Variants in OTUD4 observed in about 807,000 individuals in gnomAD.
OTUD4 encodes the protein OTU domain-containing protein 4.
In OTUD4, 24 loss-of-function variants were observed where a neutral mutation model predicts 130.4. That is an observed-to-expected ratio of 0.18 (90% CI 0.13 to 0.26). The LOEUF (loss-of-function observed/expected upper bound fraction) is 0.26. Ranked by LOEUF, OTUD4 falls within the 10% of genes least tolerant of loss-of-function variation. The pLI is 1.00. For synonymous variants in OTUD4, 420 were observed against 472.5 expected, an observed-to-expected ratio of 0.89 and a Z score of 1.44; for missense variants, 1,031 against 1,329.4, an observed-to-expected ratio of 0.78 and a Z score of 3.49.
At chr4:145,148,131 A>G (rs1400562486) in intron 13 of OTUD4, among the ~76,000 whole-genome samples, 1 of 152,218 alleles carries the variant, frequency 6.6e-6, no homozygotes, top group African/African-American at 2.4e-5. Flanking sequence ...TTTACATACC[A>G]AGTAACACAT....
At chr4:145,162,841 T>G in intron 5 of OTUD4, 120 bp from the exon 6 acceptor site, 1 of 518,380 alleles carries the variant, frequency 1.9e-6, no homozygotes, top group Admixed American at 4.1e-5. Flanking sequence ...GTGAGTATTT[T>G]AGGAGTAACC....
At chr4:145,160,015 C>T (rs1033722362) in intron 6 of OTUD4, among the ~76,000 whole-genome samples, 16 of 152,334 alleles carry the variant, frequency 1.1e-4, no homozygotes, top group African/African-American at 3.8e-4. Context: ...TTAATTCCAG[C>T]ACAGTGAAGC....
intron 13 of OTUD4, among the ~76,000 whole-genome samples, chr4:145,148,091 C>T (rs1245327311): frequency 6.6e-6 from 1 of 152,158 alleles, no homozygotes; most frequent in Non-Finnish European, 1.5e-5. Context: ...GTATTAATTA[C>T]CACTGCCTTG....
chr4:145,172,384 G>C lies in OTUD4; in HGVS notation c.244-664C>G, dbSNP rs138108524. Among the ~76,000 whole-genome samples the C allele has an allele frequency of 4.1e-3, 617 of 152,332 alleles. 8 individuals are homozygous for C. Among genetic ancestry groups the C allele is most frequent in the African/African-American group, 0.014 (571 of 41,566 alleles). On this transcript the variant is annotated intron_variant, in intron 2 of 20. Transcript: ENST00000447906. ...TCTCTCAAGTGATACTAGAAAGAGCGATGAGAACTAGTAAGGCGAAAAATA... is the reference window on the plus strand; with the variant it reads ...TCTCTCAAGTGATACTAGAAAGAGCCATGAGAACTAGTAAGGCGAAAAATA...
intron 3 of OTUD4, among the ~76,000 whole-genome samples, chr4:145,167,869 T>G (rs542057421): frequency 2.0e-4 from 30 of 151,922 alleles, no homozygotes; most frequent in African/African-American, 6.8e-4. Flanking sequence ...TAAAAAAAAT[T>G]AAAAATGAAA....
intron 13 of OTUD4, 60 bp from the exon 14 acceptor site, chr4:145,146,489 AAAC>A: frequency 1.9e-6 from 2 of 1,043,078 alleles, no homozygotes; most frequent in South Asian, 2.3e-5. Context: ...TAAATAAATA[AAAC>A]ATTCTTGTCA....
chr4:145,160,530 G>GGGCCA (rs1751505298), intron 6 of OTUD4, among the ~76,000 whole-genome samples: 1 of 152,102 alleles, frequency 6.6e-6, no homozygotes, highest in African/African-American at 2.4e-5. Context: ...ATCAACAATG[G>GGGCCA]GGCCAGGTGT....
chr4:145,151,620 G>A (rs1446692443), intron 11 of OTUD4, among the ~76,000 whole-genome samples: 19 of 152,076 alleles, frequency 1.2e-4, no homozygotes, highest in Non-Finnish European at 4.4e-5. Flanking sequence ...GGGTGACAGG[G>A]CAAGACTCCA....
At position 145,141,519 on chromosome 4, in the gene OTUD4, T is replaced by C; in HGVS notation, c.1943A>G (p.Asn648Ser). ...CTGAGGCAAAGGCATCAAGGGCTGGTTAACTGCCTGTATTGACACAGGAAC... is the reference window on the plus strand; with the variant it reads ...CTGAGGCAAAGGCATCAAGGGCTGGCTAACTGCCTGTATTGACACAGGAAC... Reference protein sequence around the residue: ...SPVPVSIQAVNQPLMPLPQTL... With the variant: ...SPVPVSIQAVSQPLMPLPQTL... Residue 648 changes from asparagine (N) to serine (S), a missense_variant, in exon 19 of 21, where the codon AAC (asparagine) becomes AGC (serine). Coordinates refer to ENST00000447906, the MANE Select transcript of OTUD4 (RefSeq NM_001366057.1). 6.2e-7 allele frequency: 1 copy of C among 1,613,624 alleles called. No individual in the cohort carries two copies. Among genetic ancestry groups the C allele is most frequent in the Non-Finnish European group, 8.5e-7 (1 of 1,179,724 alleles).
chr4:145,158,034 G>C (rs1454068297), intron 7 of OTUD4, among the ~76,000 whole-genome samples: 2 of 152,210 alleles, frequency 1.3e-5, no homozygotes, highest in African/African-American at 2.4e-5. Flanking sequence ...GGTGCTCAGA[G>C]AGAACCGTAA....
Position 145,137,832 on chromosome 4 carries a change from A to C in OTUD4, c.2943T>G (p.Pro981=). 6.2e-7 allele frequency: 1 copy of C among 1,614,044 alleles called. No homozygotes were observed. Among genetic ancestry groups the C allele is most frequent in the Non-Finnish European group, 8.5e-7 (1 of 1,180,014 alleles). ...ERETVPVELE[P]KRTIQSLKEK... ...CTTTCAGGCTTTGAATGGTCCTTTTAGGTTCAAGTTCAACAGGCACAGTTT... is the reference window on the plus strand; with the variant it reads ...CTTTCAGGCTTTGAATGGTCCTTTTCGGTTCAAGTTCAACAGGCACAGTTT... The change falls in exon 21 of 21, where the codon CCT becomes CCG. Residue 981 remains proline (P), a synonymous_variant. Transcript: ENST00000447906.
intron 11 of OTUD4, 85 bp from the exon 12 acceptor site, chr4:145,150,990 T>G: frequency 1.4e-6 from 1 of 740,636 alleles, no homozygotes. Context: ...TCAGCTTATA[T>G]AAGAATTTCT....
rs1750149927 is a variant in OTUD4, at chr4:145,134,614, T to C, written c.*2816A>G. On this transcript the variant is annotated 3_prime_UTR_variant, in exon 21 of 21. Coordinates refer to ENST00000447906, the MANE Select transcript of OTUD4 (RefSeq NM_001366057.1). Reference sequence around the variant, plus strand: ...CAGCATTGTGGTCTGGGAAAACCTATGCTTGCCAGGACAAGGCAGGGTCTG... The same window carrying C: ...CAGCATTGTGGTCTGGGAAAACCTACGCTTGCCAGGACAAGGCAGGGTCTG... 1 of 398,098 alleles carries C rather than the reference T, an allele frequency of 2.5e-6. No individual in the cohort carries two copies. The highest frequency in any genetic ancestry group is 4.4e-6 in the Non-Finnish European group (1 of 225,838). 24.7% of individuals were successfully genotyped at this position (398,098 alleles called of 1,614,324 possible).
chr4:145,158,641 T>A (rs530443274), intron 7 of OTUD4, among the ~76,000 whole-genome samples: 29 of 152,288 alleles, frequency 1.9e-4, no homozygotes, highest in African/African-American at 4.3e-4. Context: ...CCAAGTACAA[T>A]CCTTTCATAT....
At chr4:145,138,856 C>A (rs1750417755) in intron 20 of OTUD4, among the ~76,000 whole-genome samples, 1 of 152,204 alleles carries the variant, frequency 6.6e-6, no homozygotes, top group African/African-American at 2.4e-5. Flanking sequence ...ATTGCTTGCT[C>A]CTGTCCTAAA....
chr4:145,152,775 G>A lies in OTUD4; in HGVS notation c.874-140C>T, dbSNP rs997428134. On this transcript the variant is annotated intron_variant, in intron 10 of 20. Coordinates refer to ENST00000447906, the MANE Select transcript of OTUD4 (RefSeq NM_001366057.1). Reference sequence around the variant, plus strand: ...TCTGTCACCCAGGCTGAAGTGCAGAGGCACAATCTTGGCTCACTGCAACCT... The same window carrying A: ...TCTGTCACCCAGGCTGAAGTGCAGAAGCACAATCTTGGCTCACTGCAACCT... 3 of 589,174 alleles carry A rather than the reference G, an allele frequency of 5.1e-6. No homozygotes were observed. In the African/African-American group the frequency reaches 5.7e-5, roughly 11 times the overall value. 36.5% of individuals were successfully genotyped at this position (589,174 alleles called of 1,614,324 possible). A position where few individuals can be genotyped will look rare whatever the true frequency, so the allele number is the denominator to read the frequency against.
At chr4:145,166,493 AAC>A (rs1751881672) in intron 3 of OTUD4, among the ~76,000 whole-genome samples, 1 of 152,138 alleles carries the variant, frequency 6.6e-6, no homozygotes, top group South Asian at 2.1e-4. Flanking sequence ...AGTTATTTGT[AAC>A]AGTGTTTAAA....
At chr4:145,178,026 T>C (rs1404270985) in intron 1 of OTUD4, 1 of 152,238 alleles carries the variant, frequency 6.6e-6, no homozygotes, top group African/African-American at 2.4e-5. Context: ...GTTCAAGGTC[T>C]TCAGCTAAGC....
At position 145,138,407 on chromosome 4, in the gene OTUD4, A is replaced by G; in HGVS notation, c.2368T>C (p.Phe790Leu). 2 of 1,614,172 alleles carry G rather than the reference A, an allele frequency of 1.2e-6. No individual in the cohort carries two copies. Among genetic ancestry groups the G allele is most frequent in the Non-Finnish European group, 1.7e-6 (2 of 1,180,032 alleles). The change falls in exon 21 of 21, where the codon TTT becomes CTT. Residue 790 changes from phenylalanine (F) to leucine (L), a missense_variant. Physicochemically the swap from Phe to Leu is conservative, Grantham distance 22. This residue lies in a region of OTUD4 where 900 missense variants were observed against 1,095.9 expected (regional missense o/e 0.82). Coordinates refer to ENST00000447906, the MANE Select transcript of OTUD4 (RefSeq NM_001366057.1). ...MPQPEIGPPT[F>L]SSPLVIPPSQ... ...GGAGGGATAACCAGAGGTGAAGAAA[A>G]TGTCGGCGGTCCAATCTCTGGCTGT...
Sources: allele counts gnomAD v4.1 joint callset (sites outside exome capture counted in the v4.1 genomes callset), GRCh38; gene constraint gnomAD v4.1.1; regional missense constraint gnomAD v4.1.1; transcripts MANE v1.5; gene names NCBI Gene and HGNC (gene_info 2026-07-23, HGNC 2026-07-21).